The following DNAH8 variants were observed in gnomAD, a reference collection of about 807,000 sequenced individuals.
DNAH8 encodes axonemal beta dynein heavy chain 8.
DNAH8 carries 382 observed loss-of-function variants against 562.1 expected under a neutral mutation model. That is an observed-to-expected ratio of 0.68 (90% CI 0.63 to 0.74). The LOEUF is 0.74. Ranked by LOEUF, DNAH8 falls within the 30% of genes least tolerant of loss-of-function variation. The pLI is 0.00. For synonymous variants in DNAH8, 1,881 were observed against 1,919.4 expected (o/e 0.98, Z 0.52); for missense variants, 5,203 against 5,620.4 (o/e 0.93, Z 2.37).
chr6:38,794,518 T>G lies in DNAH8; in HGVS notation c.2901+2844T>G, dbSNP rs148156906. ...CATGATCAAGATATGGAACACTTTCTGTATCCCAAGTGATTCCTTTGTGCT... is the reference window on the plus strand; with the variant it reads ...CATGATCAAGATATGGAACACTTTCGGTATCCCAAGTGATTCCTTTGTGCT... On this transcript the variant is annotated intron_variant, in intron 21 of 92. Coordinates refer to ENST00000327475, the MANE Select transcript of DNAH8 (RefSeq NM_001206927.2). Among the ~76,000 whole-genome samples, 3 of 152,360 alleles carry G rather than the reference T, an allele frequency of 2.0e-5. 1 individual carries two copies. In the East Asian group the frequency reaches 5.8e-4, roughly 29 times the overall value.
At chr6:38,924,950 G>A (rs1443315144) in intron 73 of DNAH8, 2 of 152,222 alleles carry the variant, frequency 1.3e-5, no homozygotes, top group East Asian at 1.9e-4. Flanking sequence ...GTCAATTTCC[G>A]GTATATCTTG....
chr6:38,774,387 A>G (rs1767865829), intron 12 of DNAH8, among the ~76,000 whole-genome samples: 1 of 152,138 alleles, frequency 6.6e-6, no homozygotes, highest in Admixed American at 6.6e-5. Flanking sequence ...GAGACTCTGC[A>G]TTGGTGGTGA....
intron 43 of DNAH8, among the ~76,000 whole-genome samples, chr6:38,861,352 C>T (rs894310264): frequency 1.3e-5 from 2 of 152,166 alleles, no homozygotes; most frequent in South Asian, 2.1e-4. Flanking sequence ...TATTAAGCAT[C>T]GTGTCTCATG....
At chr6:38,925,451 C>T (rs1250971837) in intron 73 of DNAH8, among the ~76,000 whole-genome samples, 2 of 151,860 alleles carry the variant, frequency 1.3e-5, no homozygotes, top group Non-Finnish European at 2.9e-5. Context: ...CCCTCCCAGA[C>T]TCCCAAAATG....
In DNAH8 at chr6:38,873,280, G is replaced by A; in HGVS notation, c.7524G>A (p.Leu2508=). ...KRTAQEAAVF[L]TLYEKVFEDT... Reference sequence around the variant, plus strand: ...CTGCACAGGAAGCTGCTGTATTCCTGACACTGTATGAGAAAGTCTTTGAAG... The same window carrying A: ...CTGCACAGGAAGCTGCTGTATTCCTAACACTGTATGAGAAAGTCTTTGAAG... The change falls in exon 52 of 93, where the codon CTG becomes CTA. Residue 2508 remains leucine, a synonymous_variant. Coordinates refer to ENST00000327475, the MANE Select transcript of DNAH8 (RefSeq NM_001206927.2). 1 of 1,613,648 alleles carries A rather than the reference G, an allele frequency of 6.2e-7. No homozygotes were observed. Among genetic ancestry groups the A allele is most frequent in the Non-Finnish European group, 8.5e-7 (1 of 1,179,918 alleles).
Position 38,938,818 on chromosome 6 carries a change from C to T in DNAH8, c.11837C>T (p.Pro3946Leu), listed in dbSNP as rs142032754. 1 of 1,609,186 alleles carries T rather than the reference C, an allele frequency of 6.2e-7. No homozygotes were observed. The highest frequency in any genetic ancestry group is 8.5e-7 in the Non-Finnish European group (1 of 1,177,460). The stretch of plus-strand genomic sequence containing the variant: ...TTCAGATCTGAAAAGTCACCACTAC[C>T]TCAAAAGAGAATTACAAATATTATC... The part of the protein sequence containing the change: ...SMARSEKSPL[P>L]QKRITNIIEY... The change falls in exon 79 of 93, where the codon CCT (proline) becomes CTT (leucine). Residue 3946 changes from proline to leucine, a missense_variant. Physicochemically the swap from Pro to Leu is moderately conservative, Grantham distance 98 (BLOSUM62 -3). Coordinates refer to ENST00000327475, the MANE Select transcript of DNAH8 (RefSeq NM_001206927.2).
intron 53 of DNAH8, among the ~76,000 whole-genome samples, chr6:38,881,899 A>T (rs1452061036): frequency 1.3e-5 from 2 of 150,876 alleles, no homozygotes; most frequent in South Asian, 2.1e-4. Flanking sequence ...TAAACGGTTG[A>T]CTCTTTTTTT....
rs545303010 is a variant in DNAH8 at position 38,884,301 on chromosome 6, T to TTAACATTTTGAGACGGAGTCTTGC, written c.8259+305_8259+328dup. On this transcript the variant is annotated intron_variant, in intron 56 of 92. Transcript: ENST00000327475. ...TGTGCTGCACCCATTAACTCGTCAT[T>TTAACATTTTGAGACGGAGTCTTGC]TAACATTTTGAGACGGAGTCTTGCT... Among the ~76,000 whole-genome samples the TTAACATTTTGAGACGGAGTCTTGC allele has an allele frequency of 3.9e-4, 59 of 152,186 alleles. No individual in the cohort carries two copies. The East Asian group carries it at 9.5e-3, about 24-fold the overall frequency.
chr6:38,823,222 A>T (rs1166359867), intron 27 of DNAH8, among the ~76,000 whole-genome samples, 188 bp downstream of exon 27: 1 of 152,226 alleles, frequency 6.6e-6, no homozygotes, highest in Non-Finnish European at 1.5e-5. Context: ...AATTGATATT[A>T]CTGAGGCTCA....
intron 26 of DNAH8, among the ~76,000 whole-genome samples, chr6:38,817,995 AT>A (rs1772445271): frequency 6.6e-6 from 1 of 152,112 alleles, no homozygotes; most frequent in African/African-American, 2.4e-5. Context: ...ATTTATTTAC[AT>A]TTTTAAAGGG....
intron 41 of DNAH8, 77 bp downstream of exon 41, chr6:38,853,424 C>G: frequency 6.7e-7 from 1 of 1,493,596 alleles, no homozygotes; most frequent in Non-Finnish European, 9.2e-7. Context: ...GGTGGTTGAC[C>G]TGATGGTGTG....
intron 40 of DNAH8, among the ~76,000 whole-genome samples, 190 bp downstream of exon 40, chr6:38,852,988 A>G (rs984937276): frequency 1.3e-5 from 2 of 152,198 alleles, no homozygotes; most frequent in Non-Finnish European, 1.5e-5. Flanking sequence ...TTATGAAGTG[A>G]AAGTTTTGGA....
rs532386888 is a variant in DNAH8, at chr6:38,922,765, T to C, written c.10663-293T>C. Among the ~76,000 whole-genome samples the C allele has an allele frequency of 7.9e-5, 12 of 152,330 alleles. No homozygotes were observed. The South Asian group carries it at 1.9e-3, about 24-fold the overall frequency. On this transcript the variant is annotated intron_variant, in intron 71 of 92. Coordinates refer to ENST00000327475, the MANE Select transcript of DNAH8 (RefSeq NM_001206927.2). ...GGCAAATCTTATTGATTTGATTCTG[T>C]TTTGAAAATATTCAATAGAAATACT...
chr6:38,874,064 TTC>T (rs1777723915), intron 52 of DNAH8, among the ~76,000 whole-genome samples: 1 of 23,498 alleles, frequency 4.3e-5, no homozygotes, highest in African/African-American at 2.0e-4. Context: ...CTTTCTTTCT[TTC>T]TTTTTCTTTC....
At position 38,852,735 on chromosome 6, in the gene DNAH8, ATT is replaced by A. The variant is rs1306847992; in HGVS notation, c.5510_5511del (p.Phe1837SerfsTer6). On this transcript the variant is annotated frameshift_variant, in exon 40 of 93. Coordinates refer to ENST00000327475, the MANE Select transcript of DNAH8 (RefSeq NM_001206927.2). LOFTEE classifies it high-confidence loss of function. Reference protein sequence around the residue: ...AVSDNINEVTFHAKDYDRIMA... With the variant: ...AVSDNINEVTXHAKDYDRIMA... ...TATCTGACAACATCAATGAGGTGAC[ATT>A]TCATGCAAAAGACTATGATCGCATC... is the stretch of plus-strand genomic sequence containing the variant. 1 of 1,613,938 alleles carries A rather than the reference ATT, an allele frequency of 6.2e-7. No homozygotes were observed.
chr6:38,920,035 A>G (rs1197276440), intron 70 of DNAH8, among the ~76,000 whole-genome samples: 4 of 152,230 alleles, frequency 2.6e-5, no homozygotes, highest in African/African-American at 9.6e-5. Flanking sequence ...TGGAAAATCT[A>G]ATCAAGAAGA....
At chr6:38,847,242 A>G (rs1354112468) in intron 36 of DNAH8, among the ~76,000 whole-genome samples, 1 of 152,152 alleles carries the variant, frequency 6.6e-6, no homozygotes, top group Non-Finnish European at 1.5e-5. Context: ...GCCAAAGGAC[A>G]GAAACTAGCT....
At chr6:38,717,320 A>G (rs1203325917) in intron 1 of DNAH8, among the ~76,000 whole-genome samples, 1 of 152,056 alleles carries the variant, frequency 6.6e-6, no homozygotes, top group African/African-American at 2.4e-5. Flanking sequence ...AGGGAATTTC[A>G]GGTCTTATTT....
intron 10 of DNAH8, among the ~76,000 whole-genome samples, chr6:38,761,301 C>T (rs1020146342): frequency 1.4e-4 from 18 of 133,122 alleles, no homozygotes; most frequent in African/African-American, 2.8e-4. Context: ...TGATGTTCCC[C>T]TTCCTGTGTC....
Sources: allele counts gnomAD v4.1 joint callset (sites outside exome capture counted in the v4.1 genomes callset), GRCh38; gene constraint gnomAD v4.1.1; transcripts MANE v1.5; gene names NCBI Gene and HGNC (gene_info 2026-07-23, HGNC 2026-07-21).